The following PSPC1 variants were observed in gnomAD, a reference collection of about 807,000 sequenced individuals.
The protein encoded by PSPC1 is paraspeckle protein 1.
A neutral mutation model predicts 51.6 loss-of-function variants in PSPC1; 14 were observed. The observed-to-expected ratio is 0.27, with a 90% CI of 0.18 to 0.42. PSPC1 has a LOEUF of 0.42. PSPC1 is among the 10% of genes least tolerant of loss of function. The pLI, the probability that PSPC1 is intolerant of heterozygous loss-of-function variation, is 1.00. For synonymous variants in PSPC1, 193 were observed against 231.9 expected, an observed-to-expected ratio of 0.83 and a Z score of 1.53; for missense variants, 406 against 701.1, an observed-to-expected ratio of 0.58 and a Z score of 4.75.
intron 7 of PSPC1, chr13:19,675,244 G>A (rs1876512346): frequency 6.6e-6 from 1 of 152,254 alleles, no homozygotes; most frequent in Non-Finnish European, 1.5e-5. Flanking sequence ...AAAATTGTGG[G>A]CTATGAGGGA....
chr13:19,770,973 T>C (rs1888569210), intron 2 of PSPC1, among the ~76,000 whole-genome samples: 1 of 152,020 alleles, frequency 6.6e-6, no homozygotes, highest in African/African-American at 2.4e-5. Flanking sequence ...TTATTATTTT[T>C]AATTTTCTTT....
chr13:19,767,081 G>C (rs1475327123), intron 2 of PSPC1, among the ~76,000 whole-genome samples: 18 of 151,814 alleles, frequency 1.2e-4, no homozygotes, highest in Admixed American at 1.2e-3. Flanking sequence ...GGCTGAGGCA[G>C]GCACATCACC....
At chr13:19,773,759 A>G (rs772890600) in intron 1 of PSPC1, among the ~76,000 whole-genome samples, 1 of 151,982 alleles carries the variant, frequency 6.6e-6, no homozygotes, top group East Asian at 1.9e-4. Flanking sequence ...TTGGGGCTCA[A>G]GGGATCTTCC....
intron 6 of PSPC1, among the ~76,000 whole-genome samples, chr13:19,725,914 A>C (rs913674520): frequency 6.6e-6 from 1 of 152,172 alleles, no homozygotes; most frequent in African/African-American, 2.4e-5. Flanking sequence ...TAGTCCCACT[A>C]TTCAGGAGAC....
At chr13:19,733,033 C>T (rs1294630485) in intron 5 of PSPC1, among the ~76,000 whole-genome samples, 4 of 152,056 alleles carry the variant, frequency 2.6e-5, no homozygotes, top group Admixed American at 1.3e-4. Context: ...GTTGGGGGCC[C>T]ACTTCTACCA....
intron 6 of PSPC1, among the ~76,000 whole-genome samples, chr13:19,729,698 C>G (rs1221560475): frequency 6.6e-6 from 1 of 151,348 alleles, no homozygotes; most frequent in African/African-American, 2.4e-5. Context: ...GATGAAAGAG[C>G]TGACCATTTT....
intron 5 of PSPC1, among the ~76,000 whole-genome samples, chr13:19,738,137 T>C (rs749456967): frequency 6.6e-6 from 1 of 152,188 alleles, no homozygotes; most frequent in Non-Finnish European, 1.5e-5. Context: ...TATGTATACA[T>C]ATTAACCCAT....
intron 6 of PSPC1, among the ~76,000 whole-genome samples, chr13:19,725,916 T>A (rs867627301): frequency 1.3e-5 from 2 of 152,122 alleles, no homozygotes; most frequent in African/African-American, 4.8e-5. Context: ...GTCCCACTAT[T>A]CAGGAGACTG....
At chr13:19,717,145 C>T (rs1463743635) in intron 6 of PSPC1, among the ~76,000 whole-genome samples, 2 of 152,158 alleles carry the variant, frequency 1.3e-5, no homozygotes, top group Admixed American at 1.3e-4. Flanking sequence ...AAATCACTTA[C>T]ATGAAATATT....
At chr13:19,684,757 G>A (rs774404803) in intron 6 of PSPC1, among the ~76,000 whole-genome samples, 33 of 152,184 alleles carry the variant, frequency 2.2e-4, no homozygotes, top group Non-Finnish European at 3.4e-4. Flanking sequence ...AATCAGTGAT[G>A]AGGTCTGATG....
At chr13:19,751,833 A>G (rs1470546925) in intron 3 of PSPC1, among the ~76,000 whole-genome samples, 3 of 152,126 alleles carry the variant, frequency 2.0e-5, no homozygotes, top group Non-Finnish European at 4.4e-5. Flanking sequence ...CGAGGCGGGC[A>G]GATCACGAGG....
chr13:19,758,120 C>A (rs967659808), intron 3 of PSPC1, among the ~76,000 whole-genome samples: 3 of 152,002 alleles, frequency 2.0e-5, no homozygotes, highest in African/African-American at 7.2e-5. Context: ...CGAGACCATC[C>A]TGGCTAACAT....
At position 19,689,217 on chromosome 13, in the gene PSPC1, A is replaced by T. The variant is rs1878280761; in HGVS notation, c.1159-11394T>A. Among the ~76,000 whole-genome samples the T allele has an allele frequency of 3.3e-5, 5 of 152,346 alleles. 1 individual carries two copies. In the South Asian group the frequency reaches 1.0e-3, roughly 32 times the overall value. Reference sequence around the variant, plus strand: ...CTGCTCTAGACAGCAGCCAGTTCAGACTAGAGCAGGAAAAGGCAGGCCTCC... The same window carrying T: ...CTGCTCTAGACAGCAGCCAGTTCAGTCTAGAGCAGGAAAAGGCAGGCCTCC... On this transcript the variant is annotated intron_variant and NMD_transcript_variant, in intron 6 of 7. Coordinates refer to the PSPC1 transcript ENST00000471658.
At chr13:19,738,474 A>T (rs1224118324) in intron 5 of PSPC1, among the ~76,000 whole-genome samples, 1 of 152,170 alleles carries the variant, frequency 6.6e-6, no homozygotes. Flanking sequence ...CAATGTAAAG[A>T]CTATGTAAAC....
At chr13:19,713,225 T>TA (rs1382601453) in intron 6 of PSPC1, among the ~76,000 whole-genome samples, 2 of 152,150 alleles carry the variant, frequency 1.3e-5, no homozygotes, top group Non-Finnish European at 2.9e-5. Context: ...TACAAAAAAT[T>TA]AAGAGTTGTT....
chr13:19,685,146 C>T (rs146288812), intron 6 of PSPC1, among the ~76,000 whole-genome samples: 380 of 152,314 alleles, frequency 2.5e-3, no homozygotes, highest in Non-Finnish European at 4.1e-3. Flanking sequence ...CTTTTCCTGC[C>T]TCCACATCAT....
intron 3 of PSPC1, among the ~76,000 whole-genome samples, chr13:19,753,589 T>C (rs1452921307): frequency 6.6e-6 from 1 of 152,188 alleles, no homozygotes; most frequent in African/African-American, 2.4e-5. Flanking sequence ...ACAGCCTGTA[T>C]TTAAAAGTAC....
At chr13:19,754,605 A>G (rs368257383) in intron 3 of PSPC1, among the ~76,000 whole-genome samples, 96 of 150,098 alleles carry the variant, frequency 6.4e-4, no homozygotes, top group South Asian at 2.1e-3. Context: ...ACGTCTGGCT[A>G]ATTTTTGTAT....
chr13:19,673,087 G>GT, downstream of PSPC1: 1 of 52,654 alleles, frequency 1.9e-5, no homozygotes, highest in Middle Eastern at 1.5e-3. Flanking sequence ...GAACCTATAC[G>GT]GTTTTTTTTT....
Sources: allele counts gnomAD v4.1 joint callset (sites outside exome capture counted in the v4.1 genomes callset), GRCh38; gene constraint gnomAD v4.1.1; transcripts MANE v1.5; gene names NCBI Gene and HGNC (gene_info 2026-07-23, HGNC 2026-07-21).